ARSJ: variants seen among roughly 807,000 people sequenced by gnomAD.
ARSJ encodes arylsulfatase J.
In ARSJ, 26 loss-of-function variants were observed where a neutral mutation model predicts 35.9. That is an observed-to-expected ratio of 0.72 (90% CI 0.53 to 1.00). The LOEUF (loss-of-function observed/expected upper bound fraction) is 1.00, where lower values mean the gene tolerates loss of function less well. Ranked by LOEUF, ARSJ falls within the 50% of genes least tolerant of loss-of-function variation. The pLI is 0.00. For synonymous variants in ARSJ, 294 were observed against 267.6 expected, an observed-to-expected ratio of 1.10 and a Z score of -0.96; for missense variants, 667 against 723.6, an observed-to-expected ratio of 0.92 and a Z score of 0.90.
chr4:113,976,258 A>C (rs1727585837), intron 1 of ARSJ, among the ~76,000 whole-genome samples: 1 of 152,190 alleles, frequency 6.6e-6, no homozygotes, highest in Non-Finnish European at 1.5e-5. Context: ...GTCACACTTC[A>C]CATAACCCAT....
At chr4:113,943,656 G>A (rs1725299701) in intron 1 of ARSJ, among the ~76,000 whole-genome samples, 1 of 152,030 alleles carries the variant, frequency 6.6e-6, no homozygotes. Flanking sequence ...ACAGAAGGCA[G>A]TTACATTAAA....
intron 1 of ARSJ, chr4:113,906,611 T>G (rs2099668820): frequency 3.0e-6 from 1 of 337,360 alleles, no homozygotes; most frequent in Non-Finnish European, 5.9e-6. Context: ...TAGGAGGAAG[T>G]TTCAGGTAAT....
intron 1 of ARSJ, among the ~76,000 whole-genome samples, chr4:113,911,994 TAAG>T (rs1485301490): frequency 6.6e-6 from 1 of 152,296 alleles, no homozygotes; most frequent in East Asian, 1.9e-4. Flanking sequence ...TAGATCACCA[TAAG>T]GTTTTTCACC....
intron 1 of ARSJ, among the ~76,000 whole-genome samples, chr4:113,936,221 G>A (rs1301392516): frequency 6.6e-6 from 1 of 151,904 alleles, no homozygotes; most frequent in African/African-American, 2.4e-5. Context: ...AAGCATGGCA[G>A]AGTGGAGAAG....
intron 1 of ARSJ, among the ~76,000 whole-genome samples, chr4:113,933,911 A>G (rs1409085302): frequency 6.6e-6 from 1 of 151,852 alleles, no homozygotes; most frequent in African/African-American, 2.4e-5. Context: ...CAAGAGAAAG[A>G]AAGAAAAGCG....
intron 1 of ARSJ, among the ~76,000 whole-genome samples, chr4:113,977,431 T>C (rs1015385175): frequency 2.9e-4 from 44 of 152,232 alleles, no homozygotes; most frequent in African/African-American, 1.1e-3. Flanking sequence ...TTCCAATGGA[T>C]ACTGGCTACT....
rs75752669 is a variant in ARSJ, at chr4:113,964,601, T to C, written c.398+13836A>G. Among the ~76,000 whole-genome samples, 159 of 152,204 alleles carry C rather than the reference T, an allele frequency of 1.0e-3. 2 individuals are homozygous for C. Among genetic ancestry groups the C allele is most frequent in the African/African-American group, 3.3e-3 (138 of 41,524 alleles). On this transcript the variant is annotated intron_variant, in intron 1 of 1. Transcript: ENST00000315366. ...CAGGTCAACTGACTTGATTCTAAGA[T>C]AGTACTTGAATTAAATAGTCATATG... is the stretch of plus-strand genomic sequence containing the variant.
rs1724577739 is a variant in ARSJ at position 113,933,407 on chromosome 4, A to AT, written c.399-29733_399-29732insA. On this transcript the variant is annotated intron_variant, in intron 1 of 1. Transcript: ENST00000315366. Reference sequence around the variant, plus strand: ...GACAGAGACACAACAAAAAAGGAAAACTATAGGCCAATATCAGTGATGAAC... The same window carrying AT: ...GACAGAGACACAACAAAAAAGGAAAATCTATAGGCCAATATCAGTGATGAAC... 7.2e-5 allele frequency among the ~76,000 whole-genome samples: 11 copies of AT among 152,050 alleles called. No homozygotes were observed. In the South Asian group the frequency reaches 2.3e-3, roughly 32 times the overall value.
rs11098210 is a variant in ARSJ, at chr4:113,917,231, C to A, written c.399-13556G>T. On this transcript the variant is annotated intron_variant, in intron 1 of 1. Transcript: ENST00000315366. ...TGCTTCTCTTAGTGCCTGTTGCCCC[C>A]TTTCCTGTACCAATGAGAGGAATCA... Among the ~76,000 whole-genome samples the A allele has an allele frequency of 8.6e-5, 13 of 151,998 alleles. No individual in the cohort carries two copies. The South Asian group carries it at 2.3e-3, about 27-fold the overall frequency.
chr4:113,908,198 G>T (rs1322902163), intron 1 of ARSJ, among the ~76,000 whole-genome samples: 1 of 152,176 alleles, frequency 6.6e-6, no homozygotes, highest in Non-Finnish European at 1.5e-5. Context: ...TTAGAGAACT[G>T]GCAAAACTTA....
intron 1 of ARSJ, chr4:113,906,698 G>A (rs1198566996): frequency 6.6e-6 from 3 of 455,744 alleles, no homozygotes; most frequent in Non-Finnish European, 1.3e-5. Flanking sequence ...CTTATTACCT[G>A]TATGGTTTTG....
intron 1 of ARSJ, among the ~76,000 whole-genome samples, chr4:113,904,483 A>T (rs1220437578): frequency 7.0e-6 from 1 of 142,036 alleles, no homozygotes; most frequent in Non-Finnish European, 1.5e-5. Flanking sequence ...ATTGTAAAAC[A>T]ATAGTTCATT....
intron 1 of ARSJ, among the ~76,000 whole-genome samples, chr4:113,965,868 T>C (rs1186468945): frequency 6.6e-6 from 1 of 152,084 alleles, no homozygotes; most frequent in East Asian, 1.9e-4. Context: ...AAATTTTAAT[T>C]TGAGTCTGAA....
intron 1 of ARSJ, among the ~76,000 whole-genome samples, chr4:113,965,263 G>T (rs947351312): frequency 6.6e-6 from 1 of 152,092 alleles, no homozygotes; most frequent in Non-Finnish European, 1.5e-5. Flanking sequence ...TTTTGAATAT[G>T]AGTTTCTGGT....
chr4:113,918,792 T>A (rs1723479344), intron 1 of ARSJ, among the ~76,000 whole-genome samples: 1 of 151,818 alleles, frequency 6.6e-6, no homozygotes, highest in African/African-American at 2.4e-5. Flanking sequence ...GATGAAAAAA[T>A]TATTATTATT....
chr4:113,925,344 C>T (rs1374642473), intron 1 of ARSJ, among the ~76,000 whole-genome samples: 1 of 152,040 alleles, frequency 6.6e-6, no homozygotes, highest in Non-Finnish European at 1.5e-5. Context: ...TAGTGGATCA[C>T]TAGGGGTGAT....
intron 1 of ARSJ, chr4:113,943,445 C>T (rs1230018459): frequency 6.6e-6 from 1 of 152,022 alleles, no homozygotes; most frequent in Non-Finnish European, 1.5e-5. Context: ...AATACATTTT[C>T]CTGGGATTGA....
chr4:113,977,809 G>C (rs370768881), intron 1 of ARSJ, among the ~76,000 whole-genome samples: 1 of 152,212 alleles, frequency 6.6e-6, no homozygotes, highest in East Asian at 1.9e-4. Context: ...GAAAACTGCA[G>C]ATGAAGTTTG....
At chr4:113,918,933 A>C (rs28708872) in intron 1 of ARSJ, among the ~76,000 whole-genome samples, 107,031 of 151,344 alleles carry the variant, frequency 0.71, 38,615 homozygotes, top group East Asian at 0.81. Context: ...GCTGATACTA[A>C]GCGCGCATGT....
Sources: allele counts gnomAD v4.1 joint callset (sites outside exome capture counted in the v4.1 genomes callset), GRCh38; gene constraint gnomAD v4.1.1; transcripts MANE v1.5; gene names NCBI Gene and HGNC (gene_info 2026-07-23, HGNC 2026-07-21).